CADM1: variants seen among roughly 807,000 people sequenced by gnomAD.
The protein encoded by CADM1 is cell adhesion molecule 1.
In CADM1, 15 loss-of-function variants were observed where a neutral mutation model predicts 53.1. The observed-to-expected ratio is 0.28, with a 90% CI of 0.19 to 0.44. The LOEUF is 0.44. Ranked by LOEUF, CADM1 falls within the 20% of genes least tolerant of loss-of-function variation. The pLI is 1.00. For synonymous variants in CADM1, 281 were observed against 243.0 expected, an observed-to-expected ratio of 1.16 and a Z score of -1.45; for missense variants, 434 against 611.3, an observed-to-expected ratio of 0.71 and a Z score of 3.06.
At chr11:115,296,366 G>A (rs1481492794) in intron 1 of CADM1, among the ~76,000 whole-genome samples, 3 of 152,178 alleles carry the variant, frequency 2.0e-5, no homozygotes, top group Non-Finnish European at 2.9e-5. Context: ...CCCCAGTGTG[G>A]TGGGTTTGGG....
chr11:115,333,205 C>T (rs1945177909), intron 1 of CADM1, among the ~76,000 whole-genome samples: 1 of 152,114 alleles, frequency 6.6e-6, no homozygotes, highest in South Asian at 2.1e-4. Flanking sequence ...TCCCCTAAAA[C>T]ATCCTCTACA....
intron 1 of CADM1, among the ~76,000 whole-genome samples, chr11:115,288,547 A>T (rs1339027415): frequency 6.6e-6 from 1 of 152,224 alleles, no homozygotes; most frequent in African/African-American, 2.4e-5. Context: ...AAAGACAAGC[A>T]AACTAAAACT....
intron 1 of CADM1, among the ~76,000 whole-genome samples, chr11:115,421,796 G>A (rs903221017): frequency 1.3e-5 from 2 of 152,186 alleles, no homozygotes; most frequent in Non-Finnish European, 2.9e-5. Context: ...GACAGCTTTG[G>A]AGATCACTTA....
chr11:115,469,421 A>C (rs903418529), intron 1 of CADM1, among the ~76,000 whole-genome samples: 1 of 152,196 alleles, frequency 6.6e-6, no homozygotes, highest in Admixed American at 6.5e-5. Flanking sequence ...GAGATTGAAC[A>C]ACCTGACTGA....
chr11:115,185,003 T>G (rs2134614575), intron 10 of CADM1, among the ~76,000 whole-genome samples: 1 of 152,342 alleles, frequency 6.6e-6, no homozygotes, highest in African/African-American at 2.4e-5. Flanking sequence ...GGGACAGAAC[T>G]TGAGCTTCAT....
chr11:115,201,202 G>C (rs1591599008), intron 8 of CADM1, among the ~76,000 whole-genome samples: 1 of 152,256 alleles, frequency 6.6e-6, no homozygotes, highest in East Asian at 1.9e-4. Context: ...AGCAGCAACG[G>C]GGTAGGAGAC....
chr11:115,459,265 T>C (rs1167857973), intron 1 of CADM1, among the ~76,000 whole-genome samples: 1 of 152,184 alleles, frequency 6.6e-6, no homozygotes, highest in Non-Finnish European at 1.5e-5. Flanking sequence ...GATTACTCTC[T>C]ACTATCAGTG....
intron 1 of CADM1, among the ~76,000 whole-genome samples, chr11:115,503,521 G>C (rs1423777772): frequency 1.3e-5 from 2 of 152,030 alleles, no homozygotes; most frequent in African/African-American, 4.8e-5. Flanking sequence ...GGCGGGCTGC[G>C]GGCTCCCGGC....
At chr11:115,209,020 G>C (rs1342480453) in intron 8 of CADM1, among the ~76,000 whole-genome samples, 1 of 152,236 alleles carries the variant, frequency 6.6e-6, no homozygotes, top group African/African-American at 2.4e-5. Flanking sequence ...TGAGTGCTCA[G>C]CATGGAAAAG....
At chr11:115,375,198 A>C (rs1486556036) in intron 1 of CADM1, among the ~76,000 whole-genome samples, 1 of 152,232 alleles carries the variant, frequency 6.6e-6, no homozygotes, top group Non-Finnish European at 1.5e-5. Context: ...GAGTGATAAG[A>C]ACATGATATT....
At chr11:115,444,936 G>A (rs1277636431) in intron 1 of CADM1, among the ~76,000 whole-genome samples, 2 of 152,174 alleles carry the variant, frequency 1.3e-5, no homozygotes, top group South Asian at 2.1e-4. Flanking sequence ...CAGGGGGCAG[G>A]CACGTGGAGG....
chr11:115,455,259 TA>T (rs1392110043), intron 1 of CADM1, among the ~76,000 whole-genome samples: 4 of 152,122 alleles, frequency 2.6e-5, no homozygotes, highest in Non-Finnish European at 5.9e-5. Flanking sequence ...AAAGATGCTT[TA>T]AAAATCACGT....
At chr11:115,386,786 A>G (rs1010236358) in intron 1 of CADM1, among the ~76,000 whole-genome samples, 1 of 152,244 alleles carries the variant, frequency 6.6e-6, no homozygotes, top group Non-Finnish European at 1.5e-5. Context: ...TTAAGTTTCA[A>G]CATGAGTTTT....
At chr11:115,451,014 C>T (rs768273910) in intron 1 of CADM1, among the ~76,000 whole-genome samples, 2 of 152,138 alleles carry the variant, frequency 1.3e-5, no homozygotes, top group Non-Finnish European at 2.9e-5. Flanking sequence ...CCTAAAGGAG[C>T]CATTACATTG....
At chr11:115,498,302 T>C (rs947306382) in intron 1 of CADM1, among the ~76,000 whole-genome samples, 6 of 152,194 alleles carry the variant, frequency 3.9e-5, no homozygotes, top group African/African-American at 1.4e-4. Flanking sequence ...CAGTTCGAAA[T>C]GGAAAGAGAC....
intron 8 of CADM1, chr11:115,207,166 A>G (rs1158412708): frequency 6.6e-6 from 1 of 152,146 alleles, no homozygotes; most frequent in African/African-American, 2.4e-5. Context: ...GTTAGTAGCA[A>G]TTTTAGTTTA....
chr11:115,292,270 G>A (rs1943925667), intron 1 of CADM1, among the ~76,000 whole-genome samples: 1 of 152,188 alleles, frequency 6.6e-6, no homozygotes, highest in Non-Finnish European at 1.5e-5. Context: ...AAAAGTACCT[G>A]TAAGACTGTA....
At chr11:115,396,744 T>G (rs1469211822) in intron 1 of CADM1, 1 of 152,124 alleles carries the variant, frequency 6.6e-6, no homozygotes, top group Admixed American at 6.6e-5. Context: ...AAGGAGATGA[T>G]GGGCTGGGAA....
At chr11:115,200,133 T>C (rs45495496) in intron 8 of CADM1, among the ~76,000 whole-genome samples, 1 of 152,220 alleles carries the variant, frequency 6.6e-6, no homozygotes, top group Non-Finnish European at 1.5e-5. Flanking sequence ...ACTGATAGCT[T>C]AGTTTCTGAT....
Sources: allele counts gnomAD v4.1 joint callset (sites outside exome capture counted in the v4.1 genomes callset), GRCh38; gene constraint gnomAD v4.1.1; transcripts MANE v1.5; gene names NCBI Gene and HGNC (gene_info 2026-07-23, HGNC 2026-07-21).